The following MAP7D2 variants were observed in gnomAD, a reference collection of about 807,000 sequenced individuals.
The protein encoded by MAP7D2 is MAP7 domain containing 2.
In MAP7D2, 33 loss-of-function variants were observed where a neutral mutation model predicts 63.5. The ratio of observed to expected loss-of-function variants is 0.52; its 90% CI spans 0.39 to 0.70. The LOEUF is 0.70. MAP7D2 is among the 30% of genes least tolerant of loss of function. MAP7D2 has a pLI of 0.00. For synonymous variants in MAP7D2, 224 were observed against 223.7 expected (o/e 1.00, Z -0.01); for missense variants, 626 against 604.0 (o/e 1.04, Z -0.38).
At chrX:20,090,232 C>T (rs894832484) in intron 1 of MAP7D2, among the ~76,000 whole-genome samples, 1 of 109,548 alleles carries the variant, frequency 9.1e-6, no homozygotes, top group Admixed American at 9.9e-5. Flanking sequence ...TGGTGGCTCA[C>T]GCATGTAATT....
chrX:20,042,352 C>T (rs922917999), intron 8 of MAP7D2, 150 bp downstream of exon 8: 1 of 615,061 alleles, frequency 1.6e-6, no homozygotes, highest in Non-Finnish European at 2.6e-6. Flanking sequence ...AGTCAAGCCA[C>T]GTAACTCCAA....
intron 1 of MAP7D2, among the ~76,000 whole-genome samples, chrX:20,095,973 T>C (rs1458710037): frequency 9.4e-6 from 1 of 105,978 alleles, no homozygotes; most frequent in African/African-American, 3.5e-5. Context: ...TCCCAGCTAC[T>C]TGGGAGGCCG....
intron 1 of MAP7D2, among the ~76,000 whole-genome samples, chrX:20,100,114 C>A (rs1029019109): frequency 8.9e-6 from 1 of 112,119 alleles, no homozygotes; most frequent in South Asian, 3.7e-4. Context: ...ATCCAAGGAC[C>A]TTTTATTAAA....
At chrX:20,034,302 C>T (rs1222612484) in intron 8 of MAP7D2, among the ~76,000 whole-genome samples, 1 of 105,814 alleles carries the variant, frequency 9.5e-6, no homozygotes, top group African/African-American at 3.5e-5. Flanking sequence ...GTAACCTGAG[C>T]ACTTTGGGAG....
intron 1 of MAP7D2, among the ~76,000 whole-genome samples, chrX:20,102,909 G>A (rs899020529): frequency 2.7e-5 from 3 of 111,356 alleles, no homozygotes; most frequent in African/African-American, 9.8e-5. Context: ...GAACGCACCA[G>A]TAAGATCACC....
chrX:20,064,483 C>T lies in MAP7D2; in HGVS notation c.208+245G>A, dbSNP rs191031261. Among the ~76,000 whole-genome samples, 6 of 112,034 alleles carry T rather than the reference C, an allele frequency of 5.4e-5. No homozygotes were observed. The East Asian group carries it at 1.7e-3, about 31-fold the overall frequency. On this transcript the variant is annotated intron_variant, in intron 2 of 16. Coordinates refer to ENST00000379643, the MANE Select transcript of MAP7D2 (RefSeq NM_001168465.2). ...GCGACTGTTTCTCTTTCTTCAATAT[C>T]GTAACTGCAGACCCTAACACAGTGG...
At chrX:20,053,594 C>T (rs1323166356) in intron 4 of MAP7D2, among the ~76,000 whole-genome samples, 1 of 111,529 alleles carries the variant, frequency 9.0e-6, no homozygotes, top group African/African-American at 3.3e-5. Flanking sequence ...AGCATTTTAA[C>T]AGGCGACCCT....
At chrX:20,013,673 C>T (rs753799957) in intron 12 of MAP7D2, 48 bp from the exon 13 acceptor site, 5 of 926,762 alleles carry the variant, frequency 5.4e-6, no homozygotes, top group Admixed American at 5.6e-5. Flanking sequence ...GACAATAAGA[C>T]CAAAAACATA....
chrX:20,055,853 G>A (rs759898947), intron 4 of MAP7D2: 808 of 830,133 alleles, frequency 9.7e-4, no homozygotes, highest in Non-Finnish European at 1.2e-3. Flanking sequence ...AAAAATCAGA[G>A]CAAAGAGAGG....
intron 10 of MAP7D2, among the ~76,000 whole-genome samples, chrX:20,023,438 T>G (rs1188133584): frequency 1.8e-5 from 2 of 112,136 alleles, no homozygotes; most frequent in Non-Finnish European, 3.8e-5. Context: ...GAGGAGGCTA[T>G]GAAGGAGAGG....
chrX:20,018,242 A>AG (rs2073486432), intron 10 of MAP7D2, among the ~76,000 whole-genome samples: 1 of 110,145 alleles, frequency 9.1e-6, no homozygotes, highest in African/African-American at 3.3e-5. Flanking sequence ...CTAGGATTAT[A>AG]GGCATGAGCC....
intron 1 of MAP7D2, among the ~76,000 whole-genome samples, chrX:20,081,946 G>C (rs760075130): frequency 9.0e-6 from 1 of 111,615 alleles, no homozygotes; most frequent in Non-Finnish European, 1.9e-5. Context: ...CACCGCGCCC[G>C]GCCCAGATCT....
chrX:20,100,404 G>A (rs1362122432), intron 1 of MAP7D2, among the ~76,000 whole-genome samples: 1 of 111,650 alleles, frequency 9.0e-6, no homozygotes, highest in Non-Finnish European at 1.9e-5. Context: ...CAGCCATGTG[G>A]CTGGCAAAAT....
intron 1 of MAP7D2, among the ~76,000 whole-genome samples, chrX:20,097,541 T>C (rs1178518060): frequency 8.9e-6 from 1 of 112,020 alleles, no homozygotes. Flanking sequence ...GACATACTTA[T>C]AGGAAGAGAA....
At chrX:20,021,827 A>G (rs746948342) in intron 10 of MAP7D2, among the ~76,000 whole-genome samples, 1 of 112,015 alleles carries the variant, frequency 8.9e-6, no homozygotes, top group South Asian at 3.8e-4. Flanking sequence ...GTCCACAGAG[A>G]CTGGCTTTTG....
At chrX:20,107,420 A>C (rs1309832007) in intron 1 of MAP7D2, among the ~76,000 whole-genome samples, 1 of 110,522 alleles carries the variant, frequency 9.0e-6, no homozygotes, top group Non-Finnish European at 1.9e-5. Context: ...AAAATACAAA[A>C]ATTAGCTAGG....
At chrX:20,069,965 T>C (rs1368407572) in intron 1 of MAP7D2, among the ~76,000 whole-genome samples, 1 of 111,131 alleles carries the variant, frequency 9.0e-6, no homozygotes, top group African/African-American at 3.3e-5. Context: ...TTTTTTCTTT[T>C]TGAGACGGAG....
intron 1 of MAP7D2, among the ~76,000 whole-genome samples, chrX:20,070,300 ATTTG>A (rs1361754343): frequency 4.4e-4 from 45 of 102,605 alleles, no homozygotes; most frequent in African/African-American, 6.7e-4. Context: ...TTATTTATTT[ATTTG>A]TAGAGATGCA....
chrX:20,083,313 A>G (rs917889298), intron 1 of MAP7D2, among the ~76,000 whole-genome samples: 5 of 112,129 alleles, frequency 4.5e-5, no homozygotes, highest in African/African-American at 1.6e-4. Context: ...GGACATGTAC[A>G]AGCTTCTCTT....
Sources: allele counts gnomAD v4.1 joint callset (sites outside exome capture counted in the v4.1 genomes callset), GRCh38; gene constraint gnomAD v4.1.1; transcripts MANE v1.5; gene names NCBI Gene and HGNC (gene_info 2026-07-23, HGNC 2026-07-21).